The following CCDC146 variants were observed in gnomAD, a reference collection of about 807,000 sequenced individuals.
The protein encoded by CCDC146 is coiled-coil domain-containing protein 146.
CCDC146 carries 92 observed loss-of-function variants against 119.3 expected under a neutral mutation model. The ratio of observed to expected loss-of-function variants is 0.77; its 90% confidence interval spans 0.65 to 0.92. The LOEUF is 0.92. CCDC146 is among the 40% of genes least tolerant of loss of function. CCDC146 has a pLI of 0.00. For missense variants in CCDC146, 1,000 were observed against 1,103.0 expected (o/e 0.91, Z 1.32); for synonymous variants, 372 against 371.8 (o/e 1.00, Z -0.01).
chr7:77,233,693 A>G (rs1042657799), intron 2 of CCDC146, among the ~76,000 whole-genome samples: 1 of 152,132 alleles, frequency 6.6e-6, no homozygotes, highest in South Asian at 2.1e-4. Flanking sequence ...TTATGCTCCT[A>G]TGAGAATCTA....
intron 2 of CCDC146, among the ~76,000 whole-genome samples, chr7:77,206,197 C>A (rs551678076): frequency 1.3e-5 from 2 of 152,322 alleles, no homozygotes; most frequent in African/African-American, 4.8e-5. Context: ...TATATTGTTA[C>A]AAAATCCAGG....
In CCDC146 at chr7:77,238,183, C is replaced by T. The variant is rs1027745158; in HGVS notation, c.239+1154C>T. 3.3e-5 allele frequency among the ~76,000 whole-genome samples: 5 copies of T among 152,160 alleles called. No homozygotes were observed. The South Asian group carries it at 6.2e-4, about 19-fold the overall frequency. On this transcript the variant is annotated intron_variant, in intron 3 of 18. Transcript: ENST00000285871. ...CCTCATCCTCAAGCCCAAGCCAAGT[C>T]CTCACCCCCACACCTAATGGAGGTT...
At chr7:77,155,866 A>G (rs1374432201) in intron 1 of CCDC146, among the ~76,000 whole-genome samples, 3 of 152,106 alleles carry the variant, frequency 2.0e-5, no homozygotes, top group African/African-American at 7.2e-5. Flanking sequence ...ATGAGCCCAC[A>G]TGTTATACCT....
intron 2 of CCDC146, chr7:77,195,936 C>T (rs1281304853): frequency 1.5e-5 from 3 of 205,744 alleles, no homozygotes; most frequent in East Asian, 2.5e-4. Context: ...GGATTACAGG[C>T]GTGAGCTACC....
At chr7:77,258,966 A>T (rs753652589) in intron 6 of CCDC146, 29 bp from the exon 7 acceptor site, 2 of 1,512,192 alleles carry the variant, frequency 1.3e-6, no homozygotes, top group South Asian at 1.1e-5. Context: ...AAGACCGCAT[A>T]ATTTAACATG....
At position 77,162,297 on chromosome 7, in the gene CCDC146, T is replaced by G. The variant is rs534570664; in HGVS notation, c.-11-5361T>G. Among the ~76,000 whole-genome samples, 23 of 152,218 alleles carry G rather than the reference T, an allele frequency of 1.5e-4. No individual in the cohort carries two copies. In the East Asian group the frequency reaches 4.4e-3, roughly 29 times the overall value. ...CTTTCAGATCTCATGTTTAATTCTT[T>G]AATCTAGTTTGAGTTAACTTTTGTG... On this transcript the variant is annotated intron_variant, in intron 1 of 18. Coordinates refer to ENST00000285871, the MANE Select transcript of CCDC146 (RefSeq NM_020879.3).
chr7:77,163,814 A>G (rs71217138), intron 1 of CCDC146, among the ~76,000 whole-genome samples: 1 of 144,704 alleles, frequency 6.9e-6, no homozygotes, highest in Admixed American at 6.8e-5. Context: ...ATCTGCTACT[A>G]TTGTTTATAT....
intron 9 of CCDC146, among the ~76,000 whole-genome samples, chr7:77,269,450 A>C (rs1476457750): frequency 6.6e-6 from 1 of 151,738 alleles, no homozygotes; most frequent in African/African-American, 2.4e-5. Context: ...AATATATGGT[A>C]ATTCTTGGCT....
intron 1 of CCDC146, among the ~76,000 whole-genome samples, chr7:77,163,952 G>A (rs367891255): frequency 6.7e-6 from 1 of 149,822 alleles, no homozygotes; most frequent in Non-Finnish European, 1.5e-5. Context: ...CTCCACCTGC[G>A]GGGTTCAAGT....
chr7:77,274,687 A>G, intron 11 of CCDC146, 35 bp downstream of exon 11: 3 of 1,563,164 alleles, frequency 1.9e-6, no homozygotes, highest in Non-Finnish European at 2.6e-6. Flanking sequence ...ATTGATAACT[A>G]CAAGAGTTCA....
intron 2 of CCDC146, among the ~76,000 whole-genome samples, chr7:77,186,042 G>A (rs563400057): frequency 6.6e-6 from 1 of 152,226 alleles, no homozygotes; most frequent in Admixed American, 6.5e-5. Flanking sequence ...CACTGTTGGT[G>A]GGAATGTAAA....
chr7:77,132,029 CAAA>C (rs966706410), intron 1 of CCDC146, among the ~76,000 whole-genome samples: 2 of 152,042 alleles, frequency 1.3e-5, no homozygotes, highest in African/African-American at 4.8e-5. Context: ...GAACTGTAAA[CAAA>C]AAGAGTAATT....
intron 1 of CCDC146, among the ~76,000 whole-genome samples, chr7:77,151,766 C>G (rs191479514): frequency 4.3e-4 from 65 of 152,252 alleles, no homozygotes; most frequent in Non-Finnish European, 5.6e-4. Flanking sequence ...CATGCAGGTT[C>G]CTCCTGAGAT....
Position 77,138,704 on chromosome 7 carries a change from G to A in CCDC146, c.-12+15972G>A, listed in dbSNP as rs568147472. Among the ~76,000 whole-genome samples, 6 of 152,212 alleles carry A rather than the reference G, an allele frequency of 3.9e-5. No individual in the cohort carries two copies. In the South Asian group the frequency reaches 6.2e-4, roughly 16 times the overall value. On this transcript the variant is annotated intron_variant, in intron 1 of 18. Coordinates refer to ENST00000285871, the MANE Select transcript of CCDC146 (RefSeq NM_020879.3). ...AACAACAACAAAAAGATTTAAAAAC[G>A]GGCCAAAGACCTTAACAAAAATCTC...
At chr7:77,124,719 T>C (rs1222135919) in intron 1 of CCDC146, among the ~76,000 whole-genome samples, 1 of 152,250 alleles carries the variant, frequency 6.6e-6, no homozygotes, top group African/African-American at 2.4e-5. Context: ...CATGAACATA[T>C]ACTTCTGGTA....
intron 2 of CCDC146, among the ~76,000 whole-genome samples, chr7:77,190,521 G>A (rs1339169639): frequency 6.6e-6 from 1 of 152,212 alleles, no homozygotes; most frequent in Non-Finnish European, 1.5e-5. Flanking sequence ...AGAATTTGGA[G>A]TGTTCCCCCA....
chr7:77,274,590 C>T lies in CCDC146; in HGVS notation c.1378C>T (p.Arg460Cys), dbSNP rs148164233. 2.4e-3 allele frequency: 3,863 copies of T among 1,612,670 alleles called. 34 individuals are homozygous for T. The Middle Eastern group carries it at 0.029, about 12-fold the overall frequency. The change falls in exon 11 of 19, where the codon CGC becomes TGC. Residue 460 changes from arginine (R) to cysteine (C), a missense_variant. By Grantham distance (180) the Arg-to-Cys change is radical (BLOSUM62 -3). Coordinates refer to ENST00000285871, the MANE Select transcript of CCDC146 (RefSeq NM_020879.3). Reference sequence around the variant, plus strand: ...GAAAGAGCTAGTAGTCAACCTTCTCCGCATGACTCAAATCAAAATTGATGA... The same window carrying T: ...GAAAGAGCTAGTAGTCAACCTTCTCTGCATGACTCAAATCAAAATTGATGA... ...NMKELVVNLL[R>C]MTQIKIDEKE... is the part of the protein sequence containing the mutation.
At position 77,199,957 on chromosome 7, in the gene CCDC146, C is replaced by T. The variant is rs1584066073; in HGVS notation, c.156+32133C>T. The T allele has an allele frequency of 4.2e-6, 3 of 713,052 alleles. No individual in the cohort carries two copies. The East Asian group carries it at 8.2e-5, about 20-fold the overall frequency. The allele number at this position is 713,052 out of a possible 1,614,324, so 44.2% of individuals were successfully genotyped here. ...AAGAGGAGATAGCCCTCATCAAACG[C>T]AGTTTGCCAAAAACTGTAACTTACT... On this transcript the variant is annotated intron_variant, in intron 2 of 18. Coordinates refer to ENST00000285871, the MANE Select transcript of CCDC146 (RefSeq NM_020879.3).
At chr7:77,253,412 G>T (rs578214306) in intron 4 of CCDC146, among the ~76,000 whole-genome samples, 7 of 152,170 alleles carry the variant, frequency 4.6e-5, no homozygotes, top group Non-Finnish European at 1.0e-4. Flanking sequence ...ACTCTTCTGT[G>T]ATTTCTGTGA....
Sources: gnomAD v4.1 joint callset for allele counts (sites outside exome capture counted in the v4.1 genomes callset) on GRCh38, gnomAD v4.1.1 for gene constraint, MANE v1.5 for transcripts, NCBI Gene and HGNC (gene_info 2026-07-23, HGNC 2026-07-21) for gene names.